COL27A1: variants seen among roughly 807,000 people sequenced by gnomAD.
COL27A1 encodes the protein collagen type XXVII alpha 1 chain.
Under a neutral mutation model 251.3 loss-of-function variants are expected in COL27A1, and 106 were observed. The ratio of observed to expected loss-of-function variants is 0.42; its 90% CI spans 0.36 to 0.50. The LOEUF (loss-of-function observed/expected upper bound fraction) is 0.50, where lower values mean the gene tolerates loss of function less well. Among genes scored for constraint, COL27A1 ranks in the 20% least tolerant of loss-of-function variants. COL27A1 has a pLI of 0.00. For synonymous variants in COL27A1, 1,000 were observed against 986.3 expected (o/e 1.01, Z -0.26); for missense variants, 2,325 against 2,522.8 (o/e 0.92, Z 1.68).
At chr9:114,225,871 T>C (rs1831436303) in intron 14 of COL27A1, among the ~76,000 whole-genome samples, 1 of 152,196 alleles carries the variant, frequency 6.6e-6, no homozygotes, top group Non-Finnish European at 1.5e-5. Context: ...AGCGTCTGTC[T>C]GCTATGTGTG....
At chr9:114,301,240 C>T in intron 52 of COL27A1, 44 bp from the exon 53 acceptor site, 2 of 1,610,198 alleles carry the variant, frequency 1.2e-6, no homozygotes, top group Non-Finnish European at 1.7e-6. Flanking sequence ...GGAAATGGGG[C>T]TTCACCTCTG....
chr9:114,288,557 T>A, intron 42 of COL27A1, 46 bp downstream of exon 42: 1 of 1,573,230 alleles, frequency 6.4e-7, no homozygotes, highest in Non-Finnish European at 8.6e-7. Context: ...CTAGGTGGAA[T>A]CTGAGCCTCC....
rs374520311 is a variant in COL27A1 at position 114,275,615 on chromosome 9, T to C, written c.3610-46T>C. The C allele has an allele frequency of 6.3e-5, 86 of 1,357,828 alleles. No individual in the cohort carries two copies. The African/African-American group carries it at 8.8e-4, about 14-fold the overall frequency. The allele number at this position is 1,357,828 out of a possible 1,614,324, so 84.1% of individuals were successfully genotyped here. A position where few individuals can be genotyped will look rare whatever the true frequency, so the allele number is the denominator to read the frequency against. The stretch of plus-strand genomic sequence containing the variant: ...TGGGGCCTCTGATGCACTTGGCAAC[T>C]AACTTATTCTCTCTCTCTCTCCCCT... On this transcript the variant is annotated intron_variant, in intron 36 of 60. Coordinates refer to ENST00000356083, the MANE Select transcript of COL27A1 (RefSeq NM_032888.4).
intron 15 of COL27A1, among the ~76,000 whole-genome samples, chr9:114,231,422 G>A (rs1831942725): frequency 6.6e-6 from 1 of 152,148 alleles, no homozygotes; most frequent in African/African-American, 2.4e-5. Context: ...GACATCACCA[G>A]GGCCATAGAA....
chr9:114,250,326 C>T (rs991189245), intron 24 of COL27A1, among the ~76,000 whole-genome samples: 5 of 152,230 alleles, frequency 3.3e-5, no homozygotes, highest in East Asian at 3.8e-4. Flanking sequence ...GCTCTCCAAA[C>T]GTGGCAGCCT....
intron 15 of COL27A1, 38 bp from the exon 16 acceptor site, chr9:114,231,784 G>A: frequency 6.2e-7 from 1 of 1,611,942 alleles, no homozygotes; most frequent in Non-Finnish European, 8.5e-7. Flanking sequence ...CTGTGGCCTA[G>A]AGTCCCATCA....
chr9:114,260,626 G>A (rs903305560), intron 28 of COL27A1, among the ~76,000 whole-genome samples: 1 of 151,706 alleles, frequency 6.6e-6, no homozygotes, highest in African/African-American at 2.4e-5. Flanking sequence ...CCACCCCACC[G>A]CCCACCCAAG....
intron 49 of COL27A1, 62 bp downstream of exon 49, chr9:114,292,272 C>A: frequency 2.4e-6 from 3 of 1,250,330 alleles, no homozygotes; most frequent in Non-Finnish European, 3.4e-6. Context: ...CTCACATACA[C>A]CTACATGTAC....
At chr9:114,210,392 G>A (rs899515527) in intron 11 of COL27A1, among the ~76,000 whole-genome samples, 4 of 152,200 alleles carry the variant, frequency 2.6e-5, no homozygotes, top group Non-Finnish European at 5.9e-5. Flanking sequence ...TGAGTAAAAT[G>A]TGTTGGTTGG....
intron 3 of COL27A1, among the ~76,000 whole-genome samples, chr9:114,176,335 G>A (rs1588590077): frequency 6.6e-6 from 1 of 152,174 alleles, no homozygotes; most frequent in East Asian, 1.9e-4. Flanking sequence ...AAAATTTTGA[G>A]TTGAGGACGT....
At chr9:114,213,018 C>T (rs147559086) in intron 12 of COL27A1, among the ~76,000 whole-genome samples, 5 of 152,302 alleles carry the variant, frequency 3.3e-5, no homozygotes, top group African/African-American at 9.6e-5. Flanking sequence ...TACCAAGGGC[C>T]AGGCGTTGCT....
At chr9:114,294,247 CAA>C (rs58536000) in intron 49 of COL27A1, among the ~76,000 whole-genome samples, 30,920 of 83,198 alleles carry the variant, frequency 0.37, 2,755 homozygotes, top group East Asian at 0.44. Context: ...GACTCTGTCT[CAA>C]AAAAAAAAAA....
At chr9:114,191,815 T>C (rs1828769001) in intron 5 of COL27A1, among the ~76,000 whole-genome samples, 1 of 152,222 alleles carries the variant, frequency 6.6e-6, no homozygotes, top group South Asian at 2.1e-4. Flanking sequence ...TACCGTGCCT[T>C]AGCTTCCTCT....
chr9:114,250,881 GTT>G (rs1833497184), intron 25 of COL27A1, among the ~76,000 whole-genome samples: 1 of 152,116 alleles, frequency 6.6e-6, no homozygotes, highest in East Asian at 1.9e-4. Flanking sequence ...CTCAAGCACA[GTT>G]AGACTTTTGT....
chr9:114,277,466 T>C (rs1038779), intron 37 of COL27A1, among the ~76,000 whole-genome samples: 7 of 152,184 alleles, frequency 4.6e-5, no homozygotes, highest in African/African-American at 1.7e-4. Flanking sequence ...GACACTGTTT[T>C]TCCCCCCTGA....
At chr9:114,207,786 C>A (rs566794105) in intron 10 of COL27A1, among the ~76,000 whole-genome samples, 1 of 152,322 alleles carries the variant, frequency 6.6e-6, no homozygotes, top group Admixed American at 6.5e-5. Flanking sequence ...GGAGCTTGGG[C>A]AAGTCACTGG....
chr9:114,284,636 T>G, intron 40 of COL27A1, 88 bp from the exon 41 acceptor site: 1 of 1,389,690 alleles, frequency 7.2e-7, no homozygotes, highest in East Asian at 2.3e-5. Flanking sequence ...GACCCAGTTT[T>G]GCAGCCCAGT....
intron 5 of COL27A1, among the ~76,000 whole-genome samples, chr9:114,192,474 A>G (rs1234171942): frequency 6.6e-6 from 1 of 152,116 alleles, no homozygotes; most frequent in Non-Finnish European, 1.5e-5. Context: ...TGCAGAAGAT[A>G]TGACCTGGAG....
At chr9:114,302,843 C>T (rs1206862956) in intron 56 of COL27A1, among the ~76,000 whole-genome samples, 1 of 151,924 alleles carries the variant, frequency 6.6e-6, no homozygotes, top group Non-Finnish European at 1.5e-5. Flanking sequence ...AGCCCTATGA[C>T]GAGTCCATCC....
Sources: gnomAD v4.1 joint callset for allele counts (sites outside exome capture counted in the v4.1 genomes callset) on GRCh38, gnomAD v4.1.1 for gene constraint, MANE v1.5 for transcripts, NCBI Gene and HGNC (gene_info 2026-07-23, HGNC 2026-07-21) for gene names.